Variants in TMEM131L observed in about 807,000 individuals in gnomAD.
The protein encoded by TMEM131L is transmembrane 131 like.
Under a neutral mutation model 192.2 loss-of-function variants are expected in TMEM131L, and 54 were observed. That is an observed-to-expected ratio of 0.28 (90% CI 0.23 to 0.35). The LOEUF (loss-of-function observed/expected upper bound fraction) is 0.35, where lower values mean the gene tolerates loss of function less well. Ranked by LOEUF, TMEM131L falls within the 10% of genes least tolerant of loss-of-function variation. The pLI is 1.00. For synonymous variants in TMEM131L, 701 were observed against 704.9 expected (o/e 0.99, Z 0.09); for missense variants, 1,888 against 1,972.9 (o/e 0.96, Z 0.82).
At chr4:153,515,852 T>C (rs1170142701) in intron 3 of TMEM131L, among the ~76,000 whole-genome samples, 1 of 152,190 alleles carries the variant, frequency 6.6e-6, no homozygotes, top group African/African-American at 2.4e-5. Flanking sequence ...CTCTTTTCTA[T>C]GTGCTCATTG....
intron 31 of TMEM131L, among the ~76,000 whole-genome samples, chr4:153,629,412 T>C (rs1324183937): frequency 6.6e-6 from 1 of 152,198 alleles, no homozygotes; most frequent in East Asian, 1.9e-4. Context: ...TACTGCAGAT[T>C]TCCCTTCTGC....
chr4:153,501,460 A>G (rs530684600), intron 3 of TMEM131L, among the ~76,000 whole-genome samples: 1 of 152,232 alleles, frequency 6.6e-6, no homozygotes, highest in Admixed American at 6.5e-5. Context: ...TCGGCCTCCC[A>G]AAGTGCTGGG....
At chr4:153,475,812 G>A (rs1407771261) in intron 3 of TMEM131L, among the ~76,000 whole-genome samples, 1 of 152,108 alleles carries the variant, frequency 6.6e-6, no homozygotes, top group South Asian at 2.1e-4. Flanking sequence ...ATGATTTAAA[G>A]TATACAGGAG....
intron 7 of TMEM131L, 91 bp from the exon 8 acceptor site, chr4:153,580,735 G>A (rs1730272273): frequency 5.5e-6 from 4 of 721,836 alleles, no homozygotes; most frequent in African/African-American, 1.8e-5. Flanking sequence ...ATGAAAAAGT[G>A]TAGTTTCTGA....
chr4:153,487,864 T>A (rs567658009), intron 3 of TMEM131L, among the ~76,000 whole-genome samples: 70 of 123,300 alleles, frequency 5.7e-4, no homozygotes, highest in Middle Eastern at 6.1e-3. Context: ...TGAGAGAGAG[T>A]GAGAGAGACA....
At chr4:153,587,639 T>C in intron 14 of TMEM131L, 103 bp from the exon 15 acceptor site, 1 of 839,838 alleles carries the variant, frequency 1.2e-6, no homozygotes, top group South Asian at 1.4e-5. Flanking sequence ...TAAAGGGAAG[T>C]TCACTGAGGT....
chr4:153,500,849 G>C (rs1733554708), intron 3 of TMEM131L, among the ~76,000 whole-genome samples: 1 of 152,108 alleles, frequency 6.6e-6, no homozygotes, highest in Non-Finnish European at 1.5e-5. Flanking sequence ...TTTTTTCCTA[G>C]TTGTGAAAAT....
At chr4:153,505,124 T>G (rs1733901063) in intron 3 of TMEM131L, among the ~76,000 whole-genome samples, 1 of 149,672 alleles carries the variant, frequency 6.7e-6, no homozygotes, top group South Asian at 2.1e-4. Flanking sequence ...TTTTTTTTTT[T>G]GAGATGGAGT....
chr4:153,633,151 C>T lies in TMEM131L; in HGVS notation c.4328+313C>T. The T allele has an allele frequency of 1.3e-5, 3 of 232,656 alleles. No homozygotes were observed. The South Asian group carries it at 2.0e-4, about 15-fold the overall frequency. The allele number at this position is 232,656 out of a possible 1,614,324, so 14.4% of individuals were successfully genotyped here. A position where few individuals can be genotyped will look rare whatever the true frequency, so the allele number is the denominator to read the frequency against. On this transcript the variant is annotated intron_variant, in intron 32 of 34. Coordinates refer to ENST00000409959, the MANE Select transcript of TMEM131L (RefSeq NM_001131007.2). Reference sequence around the variant, plus strand: ...AACACTCATAATTCCTAACTGCTAGCAGAGCAAAGCTGTTCATTTTTCTGT... The same window carrying T: ...AACACTCATAATTCCTAACTGCTAGTAGAGCAAAGCTGTTCATTTTTCTGT...
intron 31 of TMEM131L, among the ~76,000 whole-genome samples, chr4:153,628,655 A>AG (rs879811887): frequency 2.6e-5 from 4 of 152,126 alleles, no homozygotes; most frequent in African/African-American, 7.2e-5. Context: ...AATTAAAAAA[A>AG]TCTAAAATTA....
intron 6 of TMEM131L, 39 bp from the exon 7 acceptor site, chr4:153,558,219 A>G: frequency 1.8e-6 from 2 of 1,141,248 alleles, no homozygotes. Context: ...GTGTTTTAAA[A>G]CTCTTAACAG....
chr4:153,480,254 G>T (rs531293673), intron 3 of TMEM131L, among the ~76,000 whole-genome samples: 90 of 152,310 alleles, frequency 5.9e-4, no homozygotes, highest in African/African-American at 2.1e-3. Context: ...CAGGAGAATG[G>T]CATGAACCCG....
intron 15 of TMEM131L, among the ~76,000 whole-genome samples, 167 bp from the exon 16 acceptor site, chr4:153,588,723 A>G (rs1056008498): frequency 6.6e-6 from 1 of 152,124 alleles, no homozygotes; most frequent in Non-Finnish European, 1.5e-5. Flanking sequence ...ATCATTTGCC[A>G]TTGAGTTAGA....
intron 32 of TMEM131L, 81 bp downstream of exon 32, chr4:153,632,919 T>G: frequency 1.3e-6 from 2 of 1,535,006 alleles, no homozygotes; most frequent in Non-Finnish European, 1.8e-6. Flanking sequence ...TCTTAGGGTT[T>G]CCTTACAAAA....
chr4:153,474,517 AT>A (rs1184683903), intron 3 of TMEM131L, among the ~76,000 whole-genome samples: 1 of 152,186 alleles, frequency 6.6e-6, no homozygotes, highest in Admixed American at 6.5e-5. Context: ...GAGATAAGGT[AT>A]GTAGTCCTTT....
chr4:153,598,689 C>T lies in TMEM131L; in HGVS notation c.2223C>T (p.Leu741=). ...GACTTCCTGGTGCAGGAGGCTCACT[C>T]CGATTTAAGGTGCCCGAGTCCACGC... is the stretch of plus-strand genomic sequence containing the variant. ...GGRLPGAGGS[L]RFKVPESTLM... The change falls in exon 21 of 35, where the codon CTC becomes CTT. Residue 741 remains leucine (L), a synonymous_variant. Transcript: ENST00000409959. The T allele has an allele frequency of 1.2e-6, 2 of 1,613,920 alleles. No individual in the cohort carries two copies. The highest frequency in any genetic ancestry group is 1.7e-6 in the Non-Finnish European group (2 of 1,179,932).
chr4:153,569,729 G>A (rs549304923), intron 7 of TMEM131L, among the ~76,000 whole-genome samples: 6 of 152,298 alleles, frequency 3.9e-5, no homozygotes, highest in Admixed American at 2.0e-4. Context: ...TAGCCCTTTC[G>A]GATAGGGTTG....
chr4:153,547,643 A>G (rs948374699), intron 3 of TMEM131L, among the ~76,000 whole-genome samples: 1 of 152,226 alleles, frequency 6.6e-6, no homozygotes, highest in Non-Finnish European at 1.5e-5. Context: ...AGAGAGGTTA[A>G]GTGACTGATA....
intron 27 of TMEM131L, 32 bp downstream of exon 27, chr4:153,620,912 A>G (rs1733350752): frequency 6.5e-6 from 10 of 1,541,712 alleles, no homozygotes; most frequent in Non-Finnish European, 8.7e-6. Context: ...TAATATTTTG[A>G]TCTATTTTTC....
Sources: gnomAD v4.1 joint callset for allele counts (sites outside exome capture counted in the v4.1 genomes callset) on GRCh38, gnomAD v4.1.1 for gene constraint, MANE v1.5 for transcripts, NCBI Gene and HGNC (gene_info 2026-07-23, HGNC 2026-07-21) for gene names.